FAM117B: variants seen among roughly 807,000 people sequenced by gnomAD.
The protein encoded by FAM117B is family with sequence similarity 117 member B, also known as protein FAM117B.
A neutral mutation model predicts 52.8 loss-of-function variants in FAM117B; 22 were observed. The ratio of observed to expected loss-of-function variants is 0.42; its 90% CI spans 0.30 to 0.59. The LOEUF is 0.59. Ranked by LOEUF, FAM117B falls within the 20% of genes least tolerant of loss-of-function variation. FAM117B has a pLI of 0.22. For synonymous variants in FAM117B, 309 were observed against 324.1 expected (o/e 0.95, Z 0.50); for missense variants, 678 against 802.6 (o/e 0.84, Z 1.88).
intron 6 of FAM117B, among the ~76,000 whole-genome samples, chr2:202,758,981 A>G (rs1691842445): frequency 6.6e-6 from 1 of 152,246 alleles, no homozygotes; most frequent in African/African-American, 2.4e-5. Context: ...AAGAATAGAA[A>G]TAAGGCAGCC....
chr2:202,711,176 A>G (rs560106609), intron 2 of FAM117B, among the ~76,000 whole-genome samples: 34 of 152,262 alleles, frequency 2.2e-4, no homozygotes, highest in African/African-American at 7.7e-4. Flanking sequence ...ATTCCTGCCA[A>G]CAGTGTATGA....
chr2:202,727,827 A>G (rs1691270476), intron 4 of FAM117B, among the ~76,000 whole-genome samples: 2 of 151,724 alleles, frequency 1.3e-5, no homozygotes, highest in African/African-American at 4.8e-5. Context: ...AGGCAGGCCA[A>G]CCCCTTTTAT....
Position 202,766,102 on chromosome 2 carries a change from A to ACACACACC in FAM117B, c.*343_*344insACCCACAC, listed in dbSNP as rs1553526375. 2.7e-3 allele frequency: 524 copies of ACACACACC among 191,906 alleles called. No homozygotes were observed. The highest frequency in any genetic ancestry group is 4.4e-3 in the Middle Eastern group (2 of 452). 11.9% of individuals were successfully genotyped at this position (191,906 alleles called of 1,614,324 possible). A position where few individuals can be genotyped will look rare whatever the true frequency, so the allele number is the denominator to read the frequency against. ...CACACACACACACACACACACACAC[A>ACACACACC]CACACCCCTGATCCTTGCCAACATG... is the stretch of plus-strand genomic sequence containing the variant. On this transcript the variant is annotated 3_prime_UTR_variant, in exon 8 of 8. Transcript: ENST00000392238.
intron 4 of FAM117B, among the ~76,000 whole-genome samples, chr2:202,737,415 T>A (rs1166401056): frequency 1.3e-5 from 2 of 152,218 alleles, no homozygotes; most frequent in East Asian, 3.8e-4. Context: ...ATTCTTTTCC[T>A]TTGTATACAT....
chr2:202,714,610 T>TGGAGGGAAGGTCAGCA (rs1691014396), intron 2 of FAM117B, among the ~76,000 whole-genome samples: 1 of 142,880 alleles, frequency 7.0e-6, no homozygotes, highest in Non-Finnish European at 1.5e-5. Flanking sequence ...AGGACAATAG[T>TGGAGGGAAGGTCAGCA]GGAGGGAAGG....
intron 4 of FAM117B, among the ~76,000 whole-genome samples, chr2:202,746,379 A>T (rs6435164): frequency 0.76 from 114,831 of 151,886 alleles, 44,231 homozygotes; most frequent in East Asian, 0.84. Context: ...ATGAAGAAAT[A>T]AAGGAAATAA....
intron 6 of FAM117B, 48 bp from the exon 7 acceptor site, chr2:202,759,185 A>C: frequency 6.2e-7 from 1 of 1,605,118 alleles, no homozygotes; most frequent in Non-Finnish European, 8.5e-7. Context: ...AATTAAATAT[A>C]GTATGACTAT....
intron 4 of FAM117B, among the ~76,000 whole-genome samples, chr2:202,740,296 G>A (rs752809224): frequency 7.0e-6 from 1 of 143,506 alleles, no homozygotes; most frequent in East Asian, 2.0e-4. Context: ...TGAGTCGGAG[G>A]TTGCAGTGAA....
intron 3 of FAM117B, among the ~76,000 whole-genome samples, chr2:202,725,549 C>T (rs1400524652): frequency 1.3e-5 from 2 of 152,106 alleles, no homozygotes; most frequent in African/African-American, 4.8e-5. Flanking sequence ...TAACTCCTGA[C>T]CTCAAGCAGT....
chr2:202,765,379 C>CTTTTTTTTTTTTTTTTT, intron 7 of FAM117B, 67 bp from the exon 8 acceptor site: 1 of 1,130,566 alleles, frequency 8.8e-7, no homozygotes, highest in Non-Finnish European at 1.2e-6. Flanking sequence ...TGTTTCCAAG[C>CTTTTTTTTTTTTTTTTT]TTTTTTTTTT....
chr2:202,759,397 C>A, intron 7 of FAM117B, 44 bp downstream of exon 7: 1 of 1,403,320 alleles, frequency 7.1e-7, no homozygotes, highest in Non-Finnish European at 9.6e-7. Flanking sequence ...CTATTATGAG[C>A]TTTTTTTTTT....
At chr2:202,740,397 A>G (rs1371586531) in intron 4 of FAM117B, among the ~76,000 whole-genome samples, 5 of 150,828 alleles carry the variant, frequency 3.3e-5, no homozygotes, top group African/African-American at 4.9e-5. Flanking sequence ...AATTTTTATC[A>G]TGACTAACAC....
intron 6 of FAM117B, among the ~76,000 whole-genome samples, chr2:202,758,647 A>T (rs1232390024): frequency 1.3e-5 from 2 of 152,234 alleles, no homozygotes; most frequent in Non-Finnish European, 2.9e-5. Flanking sequence ...CAAGAATATC[A>T]GAGTAAAGAA....
intron 1 of FAM117B, among the ~76,000 whole-genome samples, chr2:202,682,115 T>C (rs1231699398): frequency 1.3e-5 from 2 of 152,202 alleles, no homozygotes; most frequent in Non-Finnish European, 2.9e-5. Flanking sequence ...TCTGTCTCCT[T>C]TTCAGCTCCT....
intron 1 of FAM117B, among the ~76,000 whole-genome samples, chr2:202,643,081 T>C (rs1689794583): frequency 6.6e-6 from 1 of 152,106 alleles, no homozygotes; most frequent in Non-Finnish European, 1.5e-5. Context: ...GAGAAGCATG[T>C]TGGGGGCACA....
chr2:202,765,623 A>C lies in FAM117B; in HGVS notation c.1629A>C (p.Thr543=), dbSNP rs545837248. The C allele has an allele frequency of 6.2e-6, 10 of 1,614,150 alleles. No homozygotes were observed. The South Asian group carries it at 8.8e-5, about 14-fold the overall frequency. The change falls in exon 8 of 8, where the codon ACA becomes ACC. Residue 543 remains threonine, a synonymous_variant. Transcript: ENST00000392238. ...GCCTGACAGTCACCACTGGCATGACAACCACTCTGCTGCAGCCTATTGCTG... is the reference window on the plus strand; with the variant it reads ...GCCTGACAGTCACCACTGGCATGACCACCACTCTGCTGCAGCCTATTGCTG... ...GHSLTVTTGM[T]TTLLQPIAVA... is the part of the protein sequence containing the mutation.
chr2:202,638,529 G>A (rs1295722202), intron 1 of FAM117B, among the ~76,000 whole-genome samples: 2 of 152,032 alleles, frequency 1.3e-5, no homozygotes, highest in African/African-American at 2.4e-5. Flanking sequence ...AGATCATCCC[G>A]TAGAGTATTT....
At chr2:202,694,838 T>C (rs769099257) in intron 1 of FAM117B, among the ~76,000 whole-genome samples, 4 of 152,162 alleles carry the variant, frequency 2.6e-5, no homozygotes, top group African/African-American at 7.2e-5. Flanking sequence ...TCTGTGAAGA[T>C]TGAGGAATAA....
intron 4 of FAM117B, among the ~76,000 whole-genome samples, chr2:202,732,712 T>C (rs375902216): frequency 6.6e-6 from 1 of 152,002 alleles, no homozygotes; most frequent in Non-Finnish European, 1.5e-5. Flanking sequence ...TCCCAGCTAC[T>C]CGGGAGGCTG....
Sources: allele counts gnomAD v4.1 joint callset (sites outside exome capture counted in the v4.1 genomes callset), GRCh38; gene constraint gnomAD v4.1.1; transcripts MANE v1.5; gene names NCBI Gene and HGNC (gene_info 2026-07-23, HGNC 2026-07-21).